Variants in NXPE1 observed in about 807,000 individuals in gnomAD.
The protein encoded by NXPE1 is NXPE family member 1.
NXPE1 carries 31 observed loss-of-function variants against 33.3 expected under a neutral mutation model. The observed-to-expected ratio is 0.93, with a 90% CI of 0.70 to 1.26. The LOEUF (loss-of-function observed/expected upper bound fraction) is 1.26, where lower values mean the gene tolerates loss of function less well. Among genes scored for constraint, NXPE1 ranks in the 50% most tolerant of loss-of-function variants. NXPE1 has a pLI of 0.00. For missense variants in NXPE1, 661 were observed against 655.6 expected, an observed-to-expected ratio of 1.01 and a Z score of -0.09; for synonymous variants, 229 against 231.4, an observed-to-expected ratio of 0.99 and a Z score of 0.09.
In NXPE1 at chr11:114,551,598, A is replaced by G. The variant is rs536055782; in HGVS notation, c.-69-157T>C. On this transcript the variant is annotated intron_variant, in intron 3 of 8. Coordinates refer to ENST00000534921, the Ensembl canonical transcript of NXPE1. ...GGATAGTGGATGGAACCACAGGAAT[A>G]TGCTCGTATTACAAAACATAATCTG... is the stretch of plus-strand genomic sequence containing the variant. 2.0e-5 allele frequency among the ~76,000 whole-genome samples: 3 copies of G among 152,336 alleles called. No individual in the cohort carries two copies. In the East Asian group the frequency reaches 5.8e-4, roughly 29 times the overall value.
intron 5 of NXPE1, among the ~76,000 whole-genome samples, chr11:114,536,403 G>C (rs1336759939): frequency 1.3e-5 from 2 of 152,136 alleles, no homozygotes; most frequent in Admixed American, 6.6e-5. Context: ...ATATTCAAAA[G>C]CTAGCAGAAG....
intron 5 of NXPE1, among the ~76,000 whole-genome samples, chr11:114,534,847 A>C (rs906521132): frequency 1.3e-5 from 2 of 152,220 alleles, no homozygotes; most frequent in Admixed American, 6.5e-5. Context: ...ACCAAGTTGG[A>C]AAACACTCTG....
At chr11:114,527,255 C>A (rs1471007884) in intron 7 of NXPE1, 1 of 152,098 alleles carries the variant, frequency 6.6e-6, no homozygotes, top group African/African-American at 2.4e-5. Flanking sequence ...AATAAATAAA[C>A]ATTTGTGGAA....
chr11:114,533,219 T>C (rs537474744), intron 5 of NXPE1, among the ~76,000 whole-genome samples: 1 of 152,184 alleles, frequency 6.6e-6, no homozygotes, highest in Non-Finnish European at 1.5e-5. Context: ...TAGCAAATTA[T>C]TAGTATTAAG....
intron 5 of NXPE1, among the ~76,000 whole-genome samples, chr11:114,544,397 C>A (rs1167561299): frequency 6.6e-6 from 1 of 152,098 alleles, no homozygotes; most frequent in Non-Finnish European, 1.5e-5. Flanking sequence ...ATCAAGGGAA[C>A]ATAATAGAAA....
exon 6 of NXPE1, chr11:114,530,461 T>G (rs772759119): frequency 1.2e-6 from 2 of 1,614,208 alleles, no homozygotes; most frequent in Non-Finnish European, 1.7e-6. Flanking sequence ...CTGGGGTGGA[T>G]GAGCAGCAGA....
chr11:114,532,836 T>C (rs1199486835), intron 5 of NXPE1, among the ~76,000 whole-genome samples: 2 of 152,178 alleles, frequency 1.3e-5, no homozygotes, highest in Non-Finnish European at 2.9e-5. Flanking sequence ...AAAATGGTTC[T>C]AGAGTGAAAA....
At chr11:114,538,216 G>A (rs1947923308) in intron 5 of NXPE1, among the ~76,000 whole-genome samples, 1 of 152,170 alleles carries the variant, frequency 6.6e-6, no homozygotes, top group Admixed American at 6.5e-5. Flanking sequence ...TGGGAAAATT[G>A]GCTAGCCATA....
At chr11:114,544,715 A>G (rs1275435855) in intron 5 of NXPE1, among the ~76,000 whole-genome samples, 3 of 152,154 alleles carry the variant, frequency 2.0e-5, no homozygotes, top group Non-Finnish European at 2.9e-5. Context: ...AGAAAAACTG[A>G]TAAGTTAGAT....
chr11:114,554,232 C>A (rs1948597417), intron 1 of NXPE1: 3 of 975,524 alleles, frequency 3.1e-6, no homozygotes, highest in Non-Finnish European at 3.7e-6. Flanking sequence ...AGATACACAA[C>A]CTTTCCTGGC....
chr11:114,550,846 G>A (rs1435892286), intron 5 of NXPE1, among the ~76,000 whole-genome samples: 1 of 152,298 alleles, frequency 6.6e-6, no homozygotes, highest in Non-Finnish European at 1.5e-5. Context: ...GAAGTTGGTA[G>A]CTTTAACAAG....
intron 1 of NXPE1, among the ~76,000 whole-genome samples, chr11:114,555,262 T>C (rs199652740): frequency 2.6e-5 from 4 of 152,132 alleles, no homozygotes; most frequent in Non-Finnish European, 5.9e-5. Context: ...CTTGCTCTGT[T>C]GCCCAGGCTG....
At chr11:114,533,157 T>C (rs1412175460) in intron 5 of NXPE1, among the ~76,000 whole-genome samples, 3 of 152,198 alleles carry the variant, frequency 2.0e-5, no homozygotes, top group Non-Finnish European at 4.4e-5. Flanking sequence ...TTTTTTCCCT[T>C]CTTTTCTTTA....
chr11:114,545,106 T>C (rs1948229470), intron 5 of NXPE1, among the ~76,000 whole-genome samples: 1 of 152,204 alleles, frequency 6.6e-6, no homozygotes, highest in African/African-American at 2.4e-5. Flanking sequence ...TTCTCACTCA[T>C]TGCTGGTGGG....
intron 5 of NXPE1, among the ~76,000 whole-genome samples, chr11:114,536,938 G>T (rs1010789837): frequency 6.6e-6 from 1 of 152,156 alleles, no homozygotes; most frequent in Admixed American, 6.5e-5. Context: ...TATGAAGCCA[G>T]CATCATCCTG....
intron 1 of NXPE1, among the ~76,000 whole-genome samples, chr11:114,559,564 G>A (rs561651911): frequency 5.3e-5 from 8 of 151,894 alleles, no homozygotes; most frequent in South Asian, 4.2e-4. Context: ...CTGTCTCACC[G>A]TCAAAACCAG....
At chr11:114,531,541 A>G (rs507075) in intron 5 of NXPE1, among the ~76,000 whole-genome samples, 90,923 of 152,062 alleles carry the variant, frequency 0.6, 28,932 homozygotes, top group African/African-American at 0.84. Flanking sequence ...GTCATCTCCC[A>G]ACTTAACCCC....
chr11:114,530,218 C>G, exon 6 of NXPE1: 1 of 1,613,308 alleles, frequency 6.2e-7, no homozygotes, highest in Non-Finnish European at 8.5e-7. Flanking sequence ...TAAGATACCT[C>G]TCTATTCCGG....
chr11:114,521,788 T>G (rs920491856), exon 9 of NXPE1: 2 of 549,372 alleles, frequency 3.6e-6, no homozygotes, highest in African/African-American at 3.8e-5. Context: ...TCTTCATGAA[T>G]GATTCTCTTG....
Sources: gnomAD v4.1 joint callset for allele counts (sites outside exome capture counted in the v4.1 genomes callset) on GRCh38, gnomAD v4.1.1 for gene constraint, MANE v1.5 for transcripts, NCBI Gene and HGNC (gene_info 2026-07-23, HGNC 2026-07-21) for gene names.